Variants in WDR49 observed in about 807,000 individuals in gnomAD.
WDR49 encodes the protein cilia- and flagella-associated protein 337.
Under a neutral mutation model 119.5 loss-of-function variants are expected in WDR49, and 107 were observed. The observed-to-expected ratio is 0.90, with a 90% CI of 0.77 to 1.05. The LOEUF (loss-of-function observed/expected upper bound fraction) is 1.05, where lower values mean the gene tolerates loss of function less well. Ranked by LOEUF, WDR49 falls within the 50% of genes least tolerant of loss-of-function variation. The pLI is 0.00. For missense variants in WDR49, 1,240 were observed against 1,220.5 expected (o/e 1.02, Z -0.24); for synonymous variants, 425 against 418.8 (o/e 1.01, Z -0.18).
At chr3:167,545,253 G>A (rs985110179) in intron 10 of WDR49, among the ~76,000 whole-genome samples, 1 of 151,672 alleles carries the variant, frequency 6.6e-6, no homozygotes, top group African/African-American at 2.4e-5. Context: ...TGGTGGTAAT[G>A]TAAACTAGAA....
At position 167,653,391 on chromosome 3, in the gene WDR49, A is replaced by G. The variant is rs1197596683; in HGVS notation, c.35T>C (p.Ile12Thr). Residue 12 changes from isoleucine to threonine, a missense_variant, in exon 2 of 19, where the codon ATA becomes ACA. Transcript: ENST00000682715. Reference protein sequence around the residue: ...SCQKAVLELNIGSQLGPKSPE... With the variant: ...SCQKAVLELNTGSQLGPKSPE... ...ACTCTTTGGCCCAAGCTGTGACCCT[A>G]TGTTTAACTCAAGTACAGCTTTCTG... is the stretch of plus-strand genomic sequence containing the variant. 1.3e-6 allele frequency: 2 copies of G among 1,533,562 alleles called. No homozygotes were observed. Among genetic ancestry groups the G allele is most frequent in the East Asian group, 2.5e-5 (1 of 40,814 alleles). 95.0% of individuals were successfully genotyped at this position (1,533,562 alleles called of 1,614,324 possible). A position where few individuals can be genotyped will look rare whatever the true frequency, so the allele number is the denominator to read the frequency against.
chr3:167,595,976 A>C lies in WDR49; in HGVS notation c.1275+6151T>G, dbSNP rs1474926552. Among the ~76,000 whole-genome samples, 3 of 146,254 alleles carry C rather than the reference A, an allele frequency of 2.1e-5. No individual in the cohort carries two copies. The East Asian group carries it at 6.1e-4, about 30-fold the overall frequency. On this transcript the variant is annotated intron_variant, in intron 7 of 18. Coordinates refer to ENST00000682715, the MANE Select transcript of WDR49 (RefSeq NM_001366157.1). ...AATTTTCGCAACCTACTCATCTGAC[A>C]AAGGGCTAATATCCAGAATCTACAA... is the stretch of plus-strand genomic sequence containing the variant.
intron 10 of WDR49, among the ~76,000 whole-genome samples, chr3:167,541,204 C>T (rs142382877): frequency 1.3e-5 from 2 of 152,194 alleles, no homozygotes; most frequent in East Asian, 3.9e-4. Context: ...TCAAAGAACA[C>T]CTGGGAAATT....
At position 167,536,317 on chromosome 3, in the gene WDR49, T is replaced by C. The variant is rs528624815; in HGVS notation, c.1954+553A>G. The stretch of plus-strand genomic sequence containing the variant: ...GATCATTGCACAATTTATACATGTA[T>C]TGAAACATCATGTTGTGCCTCATAA... On this transcript the variant is annotated intron_variant, in intron 11 of 18. Coordinates refer to ENST00000682715, the MANE Select transcript of WDR49 (RefSeq NM_001366157.1). 7.9e-5 allele frequency among the ~76,000 whole-genome samples: 12 copies of C among 152,254 alleles called. No homozygotes were observed. In the South Asian group the frequency reaches 1.9e-3, roughly 24 times the overall value.
chr3:167,619,526 G>A (rs1716763560), intron 5 of WDR49, among the ~76,000 whole-genome samples: 1 of 152,104 alleles, frequency 6.6e-6, no homozygotes, highest in East Asian at 1.9e-4. Flanking sequence ...CTTACTGTGG[G>A]CATACATTAA....
At chr3:167,640,844 G>T (rs959881135) in intron 2 of WDR49, among the ~76,000 whole-genome samples, 1 of 151,794 alleles carries the variant, frequency 6.6e-6, no homozygotes, top group Non-Finnish European at 1.5e-5. Context: ...GCAGAGGGTT[G>T]CATGGTAATA....
chr3:167,568,306 C>T (rs1339732978), intron 8 of WDR49, among the ~76,000 whole-genome samples: 3 of 152,158 alleles, frequency 2.0e-5, no homozygotes, highest in African/African-American at 7.2e-5. Flanking sequence ...CCTTTGCTGG[C>T]ATTAAATTCC....
intron 7 of WDR49, among the ~76,000 whole-genome samples, chr3:167,579,057 C>G (rs562741681): frequency 6.6e-6 from 1 of 152,184 alleles, no homozygotes; most frequent in East Asian, 1.9e-4. Context: ...CCTACTCGCA[C>G]TTCTCTCTCC....
chr3:167,517,738 T>A (rs911034280), intron 16 of WDR49, among the ~76,000 whole-genome samples: 1 of 133,998 alleles, frequency 7.5e-6, no homozygotes, highest in Non-Finnish European at 1.7e-5. Flanking sequence ...CTTTTCTTTT[T>A]TTATTATTAT....
At chr3:167,534,172 G>T (rs143709056) in intron 11 of WDR49, among the ~76,000 whole-genome samples, 1 of 151,950 alleles carries the variant, frequency 6.6e-6, no homozygotes, top group South Asian at 2.1e-4. Flanking sequence ...TCCAGCCTGG[G>T]CGACAGAGTG....
At chr3:167,514,646 C>T (rs1016438861) in intron 16 of WDR49, among the ~76,000 whole-genome samples, 11 of 149,826 alleles carry the variant, frequency 7.3e-5, no homozygotes, top group African/African-American at 2.8e-4. Flanking sequence ...CACACACACA[C>T]ACACACACAC....
chr3:167,513,485 G>A (rs775357965), intron 16 of WDR49, among the ~76,000 whole-genome samples: 40 of 152,146 alleles, frequency 2.6e-4, no homozygotes, highest in African/African-American at 3.9e-4. Context: ...AGGAAAAACC[G>A]TTATCAGTCA....
chr3:167,606,770 T>C (rs1314258800), intron 5 of WDR49, among the ~76,000 whole-genome samples: 1 of 152,150 alleles, frequency 6.6e-6, no homozygotes, highest in African/African-American at 2.4e-5. Flanking sequence ...TGGATTGTGT[T>C]ATAAGGGCAG....
chr3:167,499,596 A>T (rs1240760788), intron 18 of WDR49, among the ~76,000 whole-genome samples: 22 of 152,170 alleles, frequency 1.4e-4, no homozygotes. Flanking sequence ...GAAGACTATA[A>T]TAGTCTGAAA....
Position 167,576,671 on chromosome 3 carries a change from A to G in WDR49, c.1276-520T>C, listed in dbSNP as rs1327044277. Among the ~76,000 whole-genome samples the G allele has an allele frequency of 2.6e-5, 4 of 152,172 alleles. No individual in the cohort carries two copies. In the East Asian group the frequency reaches 7.7e-4, roughly 29 times the overall value. ...AGTCTTGCTGGCTTTGAAGAGGGCC[A>G]TGATCCAAGGAAGCTTGAAAAGACA... On this transcript the variant is annotated intron_variant, in intron 7 of 18. Transcript: ENST00000682715.
intron 6 of WDR49, among the ~76,000 whole-genome samples, chr3:167,602,741 C>G (rs1192655382): frequency 2.6e-5 from 4 of 152,098 alleles, no homozygotes; most frequent in Non-Finnish European, 4.4e-5. Context: ...ATCAAGTAAT[C>G]AAGTACAGTC....
intron 7 of WDR49, among the ~76,000 whole-genome samples, chr3:167,587,480 C>CT (rs1364518553): frequency 5.9e-5 from 9 of 151,758 alleles, no homozygotes; most frequent in Non-Finnish European, 1.2e-4. Flanking sequence ...AGACACTGAC[C>CT]TTTTTTTTCA....
intron 2 of WDR49, among the ~76,000 whole-genome samples, chr3:167,632,841 G>A (rs1462857328): frequency 6.6e-6 from 1 of 151,936 alleles, no homozygotes; most frequent in Non-Finnish European, 1.5e-5. Context: ...TGAAGAAGGT[G>A]GAGCTCTAAG....
intron 14 of WDR49, among the ~76,000 whole-genome samples, chr3:167,528,740 CAT>C (rs1367176071): frequency 6.6e-6 from 1 of 151,588 alleles, no homozygotes; most frequent in Non-Finnish European, 1.5e-5. Flanking sequence ...TAAATACATA[CAT>C]ACATTAAAAA....
Sources: allele counts gnomAD v4.1 joint callset (sites outside exome capture counted in the v4.1 genomes callset), GRCh38; gene constraint gnomAD v4.1.1; transcripts MANE v1.5; gene names NCBI Gene and HGNC (gene_info 2026-07-23, HGNC 2026-07-21).